Variants in FERMT2 observed in about 807,000 individuals in gnomAD.
The protein encoded by FERMT2 is FERM domain containing kindlin 2, also known as fermitin family homolog 2.
In FERMT2, 15 loss-of-function variants were observed where a neutral mutation model predicts 82.7. The ratio of observed to expected loss-of-function variants is 0.18; its 90% CI spans 0.12 to 0.28. FERMT2 has a LOEUF of 0.28. Among genes scored for constraint, FERMT2 ranks in the 10% least tolerant of loss-of-function variants. The pLI is 1.00. For missense variants in FERMT2, 645 were observed against 809.4 expected, an observed-to-expected ratio of 0.80 and a Z score of 2.46; for synonymous variants, 274 against 271.5, an observed-to-expected ratio of 1.01 and a Z score of -0.09.
At chr14:52,889,085 T>C (rs1886778193) in intron 4 of FERMT2, among the ~76,000 whole-genome samples, 1 of 152,112 alleles carries the variant, frequency 6.6e-6, no homozygotes, top group African/African-American at 2.4e-5. Flanking sequence ...TTACCAGGGA[T>C]TAGCTCCCAG....
chr14:52,895,628 T>A (rs1887212038), intron 3 of FERMT2, among the ~76,000 whole-genome samples: 1 of 152,078 alleles, frequency 6.6e-6, no homozygotes. Flanking sequence ...TGCCAACAAA[T>A]CCATAGTGAC....
intron 4 of FERMT2, among the ~76,000 whole-genome samples, chr14:52,885,214 G>C (rs1886524508): frequency 6.7e-6 from 1 of 148,730 alleles, no homozygotes; most frequent in East Asian, 2.0e-4. Flanking sequence ...TCAGGAGGCT[G>C]AGGCAGGAGA....
At chr14:52,877,760 G>A (rs764425140) in intron 7 of FERMT2, among the ~76,000 whole-genome samples, 1 of 151,916 alleles carries the variant, frequency 6.6e-6, no homozygotes, top group African/African-American at 2.4e-5. Context: ...TTCTTCAACT[G>A]AATGTCAACT....
chr14:52,932,016 G>A (rs148155441), intron 2 of FERMT2, among the ~76,000 whole-genome samples: 32 of 152,330 alleles, frequency 2.1e-4, no homozygotes, highest in African/African-American at 6.3e-4. Context: ...GCGACAGAGC[G>A]AGACTCCGTC....
intron 4 of FERMT2, among the ~76,000 whole-genome samples, chr14:52,882,020 GT>G (rs770991144): frequency 6.6e-6 from 1 of 151,920 alleles, no homozygotes; most frequent in Non-Finnish European, 1.5e-5. Context: ...AAGTAAAACG[GT>G]TTTTTTTGTT....
intron 3 of FERMT2, among the ~76,000 whole-genome samples, chr14:52,897,003 CA>C (rs1193320586): frequency 6.3e-4 from 2 of 3,150 alleles, no homozygotes; most frequent in Non-Finnish European, 0.017. Flanking sequence ...AAATAAAACA[CA>C]CACACACACA....
intron 2 of FERMT2, among the ~76,000 whole-genome samples, chr14:52,945,898 C>T (rs1294878134): frequency 4.6e-5 from 7 of 152,066 alleles, no homozygotes; most frequent in Non-Finnish European, 7.4e-5. Flanking sequence ...TGAACAGATC[C>T]ACTTGGTATT....
At chr14:52,879,349 T>C (rs544370130) in intron 6 of FERMT2, among the ~76,000 whole-genome samples, 17 of 152,302 alleles carry the variant, frequency 1.1e-4, no homozygotes, top group African/African-American at 4.1e-4. Flanking sequence ...ACCTTCTGTG[T>C]TGAATTTAGA....
intron 3 of FERMT2, among the ~76,000 whole-genome samples, chr14:52,907,375 G>A (rs187350672): frequency 5.2e-4 from 79 of 152,240 alleles, no homozygotes; most frequent in Admixed American, 5.2e-3. Flanking sequence ...TGCACTATAA[G>A]AAGAGAGGCA....
intron 2 of FERMT2, among the ~76,000 whole-genome samples, chr14:52,939,833 G>T (rs948662161): frequency 4.6e-5 from 7 of 152,084 alleles, no homozygotes; most frequent in African/African-American, 1.7e-4. Flanking sequence ...AATTTCAAAG[G>T]TTATAAAATT....
At chr14:52,892,418 A>G (rs955596700) in intron 4 of FERMT2, among the ~76,000 whole-genome samples, 1 of 150,452 alleles carries the variant, frequency 6.6e-6, no homozygotes, top group Admixed American at 6.6e-5. Flanking sequence ...CTGGGATTAC[A>G]GGTGTGAGCC....
At chr14:52,878,499 G>T in intron 7 of FERMT2, 83 bp downstream of exon 7, 1 of 832,802 alleles carries the variant, frequency 1.2e-6, no homozygotes, top group Non-Finnish European at 1.9e-6. Context: ...AATGTTACTG[G>T]AATTACTATT....
At chr14:52,893,864 T>C (rs1005041589) in intron 3 of FERMT2, among the ~76,000 whole-genome samples, 2 of 151,658 alleles carry the variant, frequency 1.3e-5, no homozygotes, top group Non-Finnish European at 2.9e-5. Flanking sequence ...GTTTCACTCT[T>C]GTTACCCAGG....
intron 2 of FERMT2, 78 bp downstream of exon 2, chr14:52,950,334 T>C (rs1890568993): frequency 1.4e-6 from 2 of 1,431,204 alleles, no homozygotes; most frequent in Admixed American, 3.8e-5. Context: ...AATGGGCCCC[T>C]CCCCCGTCGT....
At chr14:52,862,661 G>C (rs1335729375) in intron 12 of FERMT2, 1 of 152,182 alleles carries the variant, frequency 6.6e-6, no homozygotes, top group African/African-American at 2.4e-5. Context: ...GAGACAGAGA[G>C]ACTCTGCCTC....
intron 2 of FERMT2, among the ~76,000 whole-genome samples, chr14:52,921,463 T>C (rs927292100): frequency 6.6e-6 from 1 of 152,208 alleles, no homozygotes; most frequent in East Asian, 1.9e-4. Flanking sequence ...TAATTGTATA[T>C]AGTACCCTAC....
At chr14:52,904,912 G>C (rs1445068084) in intron 3 of FERMT2, among the ~76,000 whole-genome samples, 1 of 152,068 alleles carries the variant, frequency 6.6e-6, no homozygotes, top group Non-Finnish European at 1.5e-5. Flanking sequence ...GTTGAGGCCA[G>C]GTGAGGTGGC....
At chr14:52,902,218 C>A (rs559136959) in intron 3 of FERMT2, among the ~76,000 whole-genome samples, 1 of 152,038 alleles carries the variant, frequency 6.6e-6, no homozygotes, top group South Asian at 2.1e-4. Context: ...CATGGTGAAA[C>A]CCTGTCTCTA....
chr14:52,911,103 G>T (rs1411858339), intron 3 of FERMT2, among the ~76,000 whole-genome samples: 2 of 152,014 alleles, frequency 1.3e-5, no homozygotes, highest in African/African-American at 4.8e-5. Flanking sequence ...GTAATTCCGG[G>T]GTTGGCAAAC....
Sources: gnomAD v4.1 joint callset for allele counts (sites outside exome capture counted in the v4.1 genomes callset) on GRCh38, gnomAD v4.1.1 for gene constraint, MANE v1.5 for transcripts, NCBI Gene and HGNC (gene_info 2026-07-23, HGNC 2026-07-21) for gene names.